The following PPP1R3F variants were observed in gnomAD, a reference collection of about 807,000 sequenced individuals.
PPP1R3F encodes protein phosphatase 1, regulatory (inhibitor) subunit 3F.
A neutral mutation model predicts 24.2 loss-of-function variants in PPP1R3F; 29 were observed. The ratio of observed to expected loss-of-function variants is 1.20; its 90% CI spans 0.89 to 1.63. The LOEUF is 1.63. Ranked by LOEUF, PPP1R3F falls within the 40% of genes most tolerant of loss-of-function variation. PPP1R3F has a pLI of 0.00. For missense variants in PPP1R3F, 823 were observed against 729.3 expected, an observed-to-expected ratio of 1.13 and a Z score of -1.48; for synonymous variants, 363 against 340.1, an observed-to-expected ratio of 1.07 and a Z score of -0.74.
intron 3 of PPP1R3F, among the ~76,000 whole-genome samples, chrX:49,294,368 T>C (rs1557122618): frequency 9.3e-6 from 1 of 107,790 alleles, no homozygotes; most frequent in Non-Finnish European, 1.9e-5. Flanking sequence ...TACAGACACA[T>C]GTGCCACCAC....
downstream of PPP1R3F, among the ~76,000 whole-genome samples, chrX:49,291,056 G>A (rs1440893307): frequency 9.0e-6 from 1 of 111,730 alleles, no homozygotes; most frequent in Non-Finnish European, 1.9e-5. Context: ...GCACAATCAC[G>A]GCTCACTGCA....
rs1950280070 is a variant in PPP1R3F, at chrX:49,270,049, C to T, written c.180C>T (p.Pro60=). The T allele has an allele frequency of 4.1e-6, 4 of 975,984 alleles. No homozygotes were observed. Among genetic ancestry groups the T allele is most frequent in the Non-Finnish European group, 3.8e-6 (3 of 782,337 alleles). 80.4% of individuals were successfully genotyped at this position (975,984 alleles called of 1,213,427 possible). ...QLRRYRPWGG[P]GAGKMAAAAG... The stretch of plus-strand genomic sequence containing the variant: ...GCCGCTACCGGCCGTGGGGCGGGCC[C>T]GGGGCGGGCAAGATGGCGGCGGCGG... Residue 60 remains proline, a synonymous_variant, in exon 1 of 4, where the codon CCC becomes CCT. Coordinates refer to ENST00000055335, the MANE Select transcript of PPP1R3F (RefSeq NM_033215.5).
chrX:49,296,940 T>C (rs1200195430), intron 3 of PPP1R3F, among the ~76,000 whole-genome samples: 1 of 111,133 alleles, frequency 9.0e-6, no homozygotes, highest in Non-Finnish European at 1.9e-5. Context: ...TCAAATTATG[T>C]GGTCAATTTT....
intron 3 of PPP1R3F, among the ~76,000 whole-genome samples, chrX:49,293,634 A>G (rs145725186): frequency 0.017 from 1,880 of 112,509 alleles, 21 homozygotes; most frequent in Non-Finnish European, 0.029. Context: ...CTTTTCATAT[A>G]TGGCTCAAAA....
intron 1 of PPP1R3F, chrX:49,273,937 A>T (rs1405712807): frequency 2.7e-5 from 3 of 112,464 alleles, no homozygotes; most frequent in African/African-American, 9.7e-5. Context: ...ACAAGCATTT[A>T]TTGACTGCCT....
At chrX:49,283,254 C>T (rs2066260824) in intron 3 of PPP1R3F, among the ~76,000 whole-genome samples, 1 of 109,697 alleles carries the variant, frequency 9.1e-6, no homozygotes, top group South Asian at 3.8e-4. Flanking sequence ...AAATTAAGAA[C>T]TCTTTTTTGT....
intron 1 of PPP1R3F, among the ~76,000 whole-genome samples, chrX:49,279,027 G>A (rs2066231222): frequency 8.9e-6 from 1 of 112,246 alleles, no homozygotes; most frequent in Admixed American, 9.4e-5. Context: ...CTGTAAAATG[G>A]AGACAATAGT....
intron 3 of PPP1R3F, among the ~76,000 whole-genome samples, chrX:49,283,862 A>C (rs1317182290): frequency 3.6e-5 from 4 of 111,466 alleles, no homozygotes; most frequent in African/African-American, 1.3e-4. Context: ...TTATTAAATT[A>C]ACTAGAATTA....
intron 1 of PPP1R3F, among the ~76,000 whole-genome samples, chrX:49,278,215 A>G (rs781828060): frequency 8.9e-6 from 1 of 111,923 alleles, no homozygotes; most frequent in Non-Finnish European, 1.9e-5. Flanking sequence ...GGCTTTTAGA[A>G]GCCTGTTTGT....
At chrX:49,292,270 TCTC>T (rs1210578550), downstream of PPP1R3F, among the ~76,000 whole-genome samples, 24 of 111,989 alleles carry the variant, frequency 2.1e-4, no homozygotes, top group Non-Finnish European at 2.8e-4. Flanking sequence ...TACAGATGAC[TCTC>T]CTCCTCCTCC....
At chrX:49,281,844 G>C in intron 2 of PPP1R3F, 137 bp from the exon 3 acceptor site, 1 of 468,916 alleles carries the variant, frequency 2.1e-6, no homozygotes, top group East Asian at 3.7e-5. Context: ...AAAATGAAGG[G>C]GTACCCTCTG....
rs1557121964 is a variant in PPP1R3F at position 49,287,860 on chromosome X, C to T, written c.*770C>T. On this transcript the variant is annotated 3_prime_UTR_variant, in exon 4 of 4. Coordinates refer to ENST00000055335, the MANE Select transcript of PPP1R3F (RefSeq NM_033215.5). ...TGTGGGGACATCAGTTGTGAATCAG[C>T]CACAAGGTTTTGAGGTTACTGAAAA... The T allele has an allele frequency of 9.0e-6, 1 of 110,808 alleles. No individual in the cohort carries two copies. The highest frequency in any genetic ancestry group is 3.3e-5 in the African/African-American group (1 of 30,311). 9.1% of individuals were successfully genotyped at this position (110,808 alleles called of 1,213,427 possible).
rs1466019562 is a variant in PPP1R3F at position 49,287,373 on chromosome X, GTCGTGAGC to G, written c.*285_*292del. On this transcript the variant is annotated 3_prime_UTR_variant, in exon 4 of 4. Transcript: ENST00000055335. ...ATAATTCTCTGGATGAGGGAGAGTG[GTCGTGAGC>G]TGGTCTTGGGGCACAATTACCCAGA... 3.2e-6 allele frequency: 1 copy of G among 314,178 alleles called. No homozygotes were observed. The highest frequency in any genetic ancestry group is 2.7e-5 in the African/African-American group (1 of 37,375). The allele number at this position is 314,178 out of a possible 1,213,427, so 25.9% of individuals were successfully genotyped here. A position where few individuals can be genotyped will look rare whatever the true frequency, so the allele number is the denominator to read the frequency against.
intron 3 of PPP1R3F, among the ~76,000 whole-genome samples, chrX:49,296,973 G>A (rs781994885): frequency 2.3e-4 from 25 of 110,641 alleles, no homozygotes; most frequent in Non-Finnish European, 4.3e-4. Flanking sequence ...ATGTGGTGCT[G>A]AGAAGAATGT....
chrX:49,274,502 C>G (rs1423123587), intron 1 of PPP1R3F: 6 of 112,339 alleles, frequency 5.3e-5, no homozygotes, highest in African/African-American at 1.9e-4. Context: ...TATCCCGTAC[C>G]CCTTGCAGTC....
chrX:49,270,180 T>C lies in PPP1R3F; in HGVS notation c.311T>C (p.Leu104Pro). The C allele has an allele frequency of 9.1e-7, 1 of 1,099,519 alleles. No individual in the cohort carries two copies. Among genetic ancestry groups the C allele is most frequent in the Non-Finnish European group, 1.2e-6 (1 of 848,297 alleles). The allele number at this position is 1,099,519 out of a possible 1,213,427, so 90.6% of individuals were successfully genotyped here. ...GAGGCTTGCCCCGAGCCCTCACCGC[T>C]GTGCCCCGTCCCCGCTGGCGGGGGG... ...EEEACPEPSPLCPVPAGGGFY... is the reference protein window; with the variant it reads ...EEEACPEPSPPCPVPAGGGFY... Residue 104 changes from leucine to proline, a missense_variant, in exon 1 of 4, where the codon CTG becomes CCG. Coordinates refer to ENST00000055335, the MANE Select transcript of PPP1R3F (RefSeq NM_033215.5).
chrX:49,270,548 G>A lies in PPP1R3F; in HGVS notation c.679G>A (p.Gly227Ser), dbSNP rs200371631. 3.3e-4 allele frequency: 401 copies of A among 1,203,079 alleles called. 2 individuals carry two copies. The highest frequency in any genetic ancestry group is 1.5e-3 in the South Asian group (87 of 56,532). Residue 227 changes from glycine to serine, a missense_variant, in exon 1 of 4, where the codon GGC (glycine) becomes AGC (serine). Physicochemically the swap from Gly to Ser is moderately conservative, Grantham distance 56 (BLOSUM62 0). Coordinates refer to ENST00000055335, the MANE Select transcript of PPP1R3F (RefSeq NM_033215.5). The part of the protein sequence containing the change: ...ILDPGLGLGP[G>S]QASASSPDDG... Reference sequence around the variant, plus strand: ...GGATCCGGGGCTCGGCCTGGGTCCCGGCCAGGCATCCGCCTCCTCGCCCGA... The same window carrying A: ...GGATCCGGGGCTCGGCCTGGGTCCCAGCCAGGCATCCGCCTCCTCGCCCGA...
At chrX:49,293,868 G>A (rs1363911319) in intron 3 of PPP1R3F, among the ~76,000 whole-genome samples, 3 of 110,917 alleles carry the variant, frequency 2.7e-5, no homozygotes, top group Admixed American at 9.6e-5. Flanking sequence ...GGTGGCATGC[G>A]CCCATAGTCC....
chrX:49,292,619 C>T (rs1051235552), downstream of PPP1R3F, among the ~76,000 whole-genome samples: 3 of 112,742 alleles, frequency 2.7e-5, no homozygotes, highest in African/African-American at 6.4e-5. Context: ...GCCTGAACGC[C>T]GGGTCTAGAA....
Sources: allele counts gnomAD v4.1 joint callset (sites outside exome capture counted in the v4.1 genomes callset), GRCh38; gene constraint gnomAD v4.1.1; transcripts MANE v1.5; gene names NCBI Gene and HGNC (gene_info 2026-07-23, HGNC 2026-07-21).